CEP63: variants seen among roughly 807,000 people sequenced by gnomAD.
CEP63 encodes the protein centrosomal protein of 63 kDa.
A neutral mutation model predicts 89.1 loss-of-function variants in CEP63; 84 were observed. The observed-to-expected ratio is 0.94, with a 90% CI of 0.79 to 1.13. The LOEUF (loss-of-function observed/expected upper bound fraction) is 1.13. Among genes scored for constraint, CEP63 ranks in the 50% most tolerant of loss-of-function variants. The pLI is 0.00. For synonymous variants in CEP63, 267 were observed against 272.5 expected (o/e 0.98, Z 0.20); for missense variants, 838 against 813.3 (o/e 1.03, Z -0.37).
At chr3:134,753,802 G>A in the CEP63 span, among the ~76,000 whole-genome samples, 7 of 152,316 alleles carry the variant, frequency 4.6e-5, 1 homozygote, top group African/African-American at 1.4e-4. Context: ...AGGACACAGA[G>A]CTAGACAGAA....
chr3:134,662,938 T>C, the CEP63 span, among the ~76,000 whole-genome samples: 2 of 152,196 alleles, frequency 1.3e-5, no homozygotes, highest in Non-Finnish European at 2.9e-5. Flanking sequence ...GACCCTGGGC[T>C]CTCTGGCCAG....
chr3:134,546,084 T>C, intron 7 of CEP63, 65 bp from the exon 8 acceptor site: 1 of 1,550,816 alleles, frequency 6.4e-7, no homozygotes, highest in Non-Finnish European at 8.8e-7. Flanking sequence ...AATTTCTGAG[T>C]ATTTTGCAGG....
intron 6 of CEP63, among the ~76,000 whole-genome samples, chr3:134,539,667 A>G (rs560145013): frequency 2.0e-5 from 3 of 152,304 alleles, no homozygotes; most frequent in South Asian, 4.1e-4. Context: ...GAGGCTGAGT[A>G]AGTGGATATT....
At chr3:134,648,468 G>T in the CEP63 span, among the ~76,000 whole-genome samples, 3 of 152,150 alleles carry the variant, frequency 2.0e-5, no homozygotes, top group Non-Finnish European at 4.4e-5. Context: ...AAAGCTCATT[G>T]GGTCTTGCCC....
the CEP63 span, among the ~76,000 whole-genome samples, chr3:134,686,527 G>C: frequency 5.3e-5 from 8 of 152,150 alleles, no homozygotes; most frequent in African/African-American, 1.7e-4. Context: ...AGGGGAAGTG[G>C]GTGTTGCTCT....
At chr3:134,761,839 G>C in the CEP63 span, among the ~76,000 whole-genome samples, 1 of 152,162 alleles carries the variant, frequency 6.6e-6, no homozygotes, top group Non-Finnish European at 1.5e-5. Flanking sequence ...GGGGAGGTTT[G>C]TCTGAAGCCT....
chr3:134,766,812 G>A, the CEP63 span, among the ~76,000 whole-genome samples: 17 of 152,236 alleles, frequency 1.1e-4, no homozygotes, highest in African/African-American at 3.9e-4. Flanking sequence ...TGTACTCATT[G>A]TTTCTTTGCT....
At chr3:134,677,051 T>C in the CEP63 span, among the ~76,000 whole-genome samples, 46,501 of 152,080 alleles carry the variant, frequency 0.31, 7,851 homozygotes, top group African/African-American at 0.45. Flanking sequence ...CTGACCAACA[T>C]GGTGAAACCC....
At chr3:134,551,279 C>T (rs1443712526) in intron 11 of CEP63, among the ~76,000 whole-genome samples, 2 of 152,048 alleles carry the variant, frequency 1.3e-5, no homozygotes, top group Admixed American at 1.3e-4. Flanking sequence ...TTGAAACCCC[C>T]TGAGAGACTT....
At chr3:134,669,849 C>T in the CEP63 span, among the ~76,000 whole-genome samples, 1 of 152,174 alleles carries the variant, frequency 6.6e-6, no homozygotes, top group Non-Finnish European at 1.5e-5. Context: ...TTGCTATAGA[C>T]TGAATGTTTA....
the CEP63 span, among the ~76,000 whole-genome samples, chr3:134,707,850 C>T: frequency 4.0e-5 from 6 of 149,080 alleles, no homozygotes; most frequent in Admixed American, 3.4e-4. Context: ...ATTGAAGGCC[C>T]CAGAGACACT....
chr3:134,702,437 C>T, the CEP63 span, among the ~76,000 whole-genome samples: 2 of 146,944 alleles, frequency 1.4e-5, no homozygotes, highest in East Asian at 4.0e-4. Context: ...GCAAAAAGAA[C>T]AAAGCTGGAG....
the CEP63 span, among the ~76,000 whole-genome samples, chr3:134,777,369 G>A: frequency 6.6e-6 from 1 of 152,040 alleles, no homozygotes; most frequent in African/African-American, 2.4e-5. Context: ...CACACATAGT[G>A]CTCCATAAAG....
the CEP63 span, among the ~76,000 whole-genome samples, chr3:134,757,535 A>G: frequency 1.3e-5 from 2 of 152,238 alleles, no homozygotes; most frequent in African/African-American, 4.8e-5. Flanking sequence ...AGAATATTGG[A>G]GGTAGGAGTA....
chr3:134,710,696 T>C, the CEP63 span, among the ~76,000 whole-genome samples: 1 of 151,232 alleles, frequency 6.6e-6, no homozygotes, highest in South Asian at 2.1e-4. Context: ...AGTTTTAGAT[T>C]TATCCATTCC....
At chr3:134,501,951 T>C (rs1181238754) in intron 2 of CEP63, among the ~76,000 whole-genome samples, 2 of 152,166 alleles carry the variant, frequency 1.3e-5, no homozygotes, top group Non-Finnish European at 2.9e-5. Context: ...TTCAGTATGA[T>C]ATTGGCTGTG....
intron 1 of CEP63, among the ~76,000 whole-genome samples, chr3:134,488,883 C>T (rs1305755995): frequency 1.3e-5 from 2 of 151,804 alleles, no homozygotes; most frequent in African/African-American, 4.8e-5. Flanking sequence ...CTAGGCTGGG[C>T]GCGGTGGCTC....
chr3:134,561,711 GT>G lies in CEP63; in HGVS notation c.*179del. On this transcript the variant is annotated 3_prime_UTR_variant, in exon 15 of 15. Transcript: ENST00000675561. Reference sequence around the variant, plus strand: ...TTTGATAGGCATTTTCTCTGCACTGGTTTGTTTAAAGGACTTCTTCCAGCAA... The same window carrying G: ...TTTGATAGGCATTTTCTCTGCACTGGTTGTTTAAAGGACTTCTTCCAGCAA... 1.4e-6 allele frequency: 2 copies of G among 1,426,700 alleles called. No individual in the cohort carries two copies. Among genetic ancestry groups the G allele is most frequent in the Non-Finnish European group, 1.8e-6 (2 of 1,096,238 alleles). The allele number at this position is 1,426,700 out of a possible 1,614,324, so 88.4% of individuals were successfully genotyped here. A position where few individuals can be genotyped will look rare whatever the true frequency, so the allele number is the denominator to read the frequency against.
At chr3:134,489,707 C>T (rs1376920153) in intron 1 of CEP63, among the ~76,000 whole-genome samples, 4 of 152,054 alleles carry the variant, frequency 2.6e-5, no homozygotes, top group Non-Finnish European at 5.9e-5. Context: ...GTTTGACTAC[C>T]CTGAAATACA....
Sources: gnomAD v4.1 joint callset for allele counts (sites outside exome capture counted in the v4.1 genomes callset) on GRCh38, gnomAD v4.1.1 for gene constraint, MANE v1.5 for transcripts, NCBI Gene and HGNC (gene_info 2026-07-23, HGNC 2026-07-21) for gene names.